KCNAB1: variants seen among roughly 807,000 people sequenced by gnomAD.
KCNAB1 encodes the protein voltage-gated potassium channel subunit beta-1.
A neutral mutation model predicts 64.6 loss-of-function variants in KCNAB1; 35 were observed. The ratio of observed to expected loss-of-function variants is 0.54; its 90% CI spans 0.41 to 0.72. The LOEUF is 0.72. Ranked by LOEUF, KCNAB1 falls within the 30% of genes least tolerant of loss-of-function variation. The pLI is 0.00. For missense variants in KCNAB1, 401 were observed against 512.9 expected (o/e 0.78, Z 2.11); for synonymous variants, 177 against 183.8 (o/e 0.96, Z 0.30).
Position 156,504,755 on chromosome 3 carries a change from T to TTG in KCNAB1, c.659-9608_659-9607insGT, listed in dbSNP as rs1716712289. Among the ~76,000 whole-genome samples, 12 of 151,004 alleles carry TTG rather than the reference T, an allele frequency of 7.9e-5. No individual in the cohort carries two copies. The South Asian group carries it at 2.5e-3, about 32-fold the overall frequency. ...TGTTTTGTTTTTGTTTTTTTTGTTTTTTTTTTTTTGCTGCTGAGTTGTTTG... is the reference window on the plus strand; with the variant it reads ...TGTTTTGTTTTTGTTTTTTTTGTTTTTGTTTTTTTTTGCTGCTGAGTTGTTTG... On this transcript the variant is annotated intron_variant, in intron 8 of 13. Coordinates refer to ENST00000490337, the MANE Select transcript of KCNAB1 (RefSeq NM_172160.3).
At chr3:156,415,799 C>T (rs1011461676) in intron 1 of KCNAB1, among the ~76,000 whole-genome samples, 4 of 152,134 alleles carry the variant, frequency 2.6e-5, no homozygotes, top group South Asian at 2.1e-4. Flanking sequence ...TTCCCTCAGC[C>T]GCTGACCCAG....
upstream of KCNAB1, among the ~76,000 whole-genome samples, chr3:156,119,533 C>T (rs376012244): frequency 5.9e-5 from 9 of 152,240 alleles, no homozygotes; most frequent in South Asian, 2.1e-4. Flanking sequence ...TTTTAACTTA[C>T]GGTTTTGTCA....
intron 1 of KCNAB1, among the ~76,000 whole-genome samples, chr3:156,164,649 T>A (rs1412362820): frequency 6.6e-6 from 1 of 152,196 alleles, no homozygotes; most frequent in Non-Finnish European, 1.5e-5. Flanking sequence ...ATTTTGTCAG[T>A]TTGGGTGTTT....
At position 156,383,104 on chromosome 3, in the gene KCNAB1, G is replaced by A. The variant is rs1712295661; in HGVS notation, c.276-38512G>A. On this transcript the variant is annotated intron_variant, in intron 1 of 13. Transcript: ENST00000490337. ...ATCCGATGGGAAAAGCCCTTGTCAG[G>A]TCTTTCTGAGAGCTGCTCTTGCAAA... 2.0e-5 allele frequency among the ~76,000 whole-genome samples: 3 copies of A among 152,190 alleles called. No individual in the cohort carries two copies. The South Asian group carries it at 6.2e-4, about 32-fold the overall frequency.
rs7623436 is a variant in KCNAB1 at position 156,249,123 on chromosome 3, T to C, written c.275+128237T>C. On this transcript the variant is annotated intron_variant, in intron 1 of 13. Transcript: ENST00000490337. ...GTCAGAATAAGAGAATATAATATAA[T>C]GTTAGGCAATGAAAAGTGCTATGGA... 9.8e-3 allele frequency among the ~76,000 whole-genome samples: 1,488 copies of C among 152,226 alleles called. 8 individuals carry two copies. Among genetic ancestry groups the C allele is most frequent in the Non-Finnish European group, 0.015 (1,053 of 68,010 alleles).
intron 8 of KCNAB1, among the ~76,000 whole-genome samples, chr3:156,504,759 T>TG (rs1424553339): frequency 1.3e-5 from 2 of 151,104 alleles, no homozygotes; most frequent in African/African-American, 2.4e-5. Flanking sequence ...TTGTTTTTTT[T>TG]TTTTTGCTGC....
At chr3:156,450,715 C>G (rs926092077) in intron 2 of KCNAB1, among the ~76,000 whole-genome samples, 1 of 152,194 alleles carries the variant, frequency 6.6e-6, no homozygotes, top group Non-Finnish European at 1.5e-5. Context: ...CATTCAAAAA[C>G]AAATGCTGCC....
intron 1 of KCNAB1, among the ~76,000 whole-genome samples, chr3:156,178,251 A>C (rs2108339831): frequency 6.6e-6 from 1 of 152,320 alleles, no homozygotes; most frequent in East Asian, 1.9e-4. Flanking sequence ...TTTCAACTAG[A>C]TATAAAACTT....
chr3:156,481,064 G>GT (rs1321366631), intron 8 of KCNAB1, among the ~76,000 whole-genome samples: 6 of 152,020 alleles, frequency 3.9e-5, no homozygotes, highest in Non-Finnish European at 8.8e-5. Context: ...ATGTTGACAG[G>GT]TTGCTGCCAA....
intron 1 of KCNAB1, among the ~76,000 whole-genome samples, chr3:156,136,822 A>G (rs1308395251): frequency 6.6e-6 from 1 of 152,234 alleles, no homozygotes; most frequent in African/African-American, 2.4e-5. Context: ...AATAAAGAGC[A>G]AGAGAGTCAT....
At chr3:156,328,030 C>T (rs915946357) in intron 1 of KCNAB1, among the ~76,000 whole-genome samples, 1 of 152,092 alleles carries the variant, frequency 6.6e-6, no homozygotes, top group African/African-American at 2.4e-5. Flanking sequence ...CCCACCACCC[C>T]AAAATTCTAG....
chr3:156,321,109 G>A (rs976997634), intron 1 of KCNAB1, among the ~76,000 whole-genome samples: 2 of 152,104 alleles, frequency 1.3e-5, no homozygotes, highest in Admixed American at 6.5e-5. Flanking sequence ...CCCAGTAAGA[G>A]AAACTTTTCC....
intron 1 of KCNAB1, among the ~76,000 whole-genome samples, chr3:156,367,477 G>A (rs1162786693): frequency 6.6e-6 from 1 of 151,958 alleles, no homozygotes. Flanking sequence ...CACTGTTCCC[G>A]GCCGAGTAAT....
In KCNAB1 at chr3:156,173,432, A is replaced by G. The variant is rs148857392; in HGVS notation, c.275+52546A>G. Among the ~76,000 whole-genome samples the G allele has an allele frequency of 5.6e-3, 849 of 152,316 alleles. 3 individuals are homozygous for G. The highest frequency in any genetic ancestry group is 6.0e-3 in the Non-Finnish European group (409 of 68,018). On this transcript the variant is annotated intron_variant, in intron 1 of 13. Coordinates refer to ENST00000490337, the MANE Select transcript of KCNAB1 (RefSeq NM_172160.3). Reference sequence around the variant, plus strand: ...TTTTAACTACTTAGTTATAAATGTTAAACACACTGGAAATGGGTTATGAAT... The same window carrying G: ...TTTTAACTACTTAGTTATAAATGTTGAACACACTGGAAATGGGTTATGAAT...
At chr3:156,489,407 G>T (rs1424867682) in intron 8 of KCNAB1, among the ~76,000 whole-genome samples, 1 of 151,174 alleles carries the variant, frequency 6.6e-6, no homozygotes, top group African/African-American at 2.4e-5. Context: ...GATGAAGACG[G>T]GATCAGCTAT....
At chr3:156,241,009 G>A (rs1484188303) in intron 1 of KCNAB1, among the ~76,000 whole-genome samples, 2 of 152,104 alleles carry the variant, frequency 1.3e-5, no homozygotes, top group Non-Finnish European at 2.9e-5. Context: ...GAGGGAGCTG[G>A]GGTATTTGTA....
At position 156,354,047 on chromosome 3, in the gene KCNAB1, A is replaced by ATGTG. The variant is rs368761986; in HGVS notation, c.276-67545_276-67542dup. On this transcript the variant is annotated intron_variant, in intron 1 of 13. Transcript: ENST00000490337. Reference sequence around the variant, plus strand: ...TGTCATAATGTGTGTGTGTATATATATGTGTGTGTGTGTGTGTGTGTGTGT... The same window carrying ATGTG: ...TGTCATAATGTGTGTGTGTATATATATGTGTGTGTGTGTGTGTGTGTGTGTGTGT... Among the ~76,000 whole-genome samples the ATGTG allele has an allele frequency of 5.3e-3, 735 of 137,578 alleles. 9 individuals carry two copies. Among genetic ancestry groups the ATGTG allele is most frequent in the East Asian group, 0.037 (181 of 4,926 alleles). The allele number at this position is 137,578 out of a possible 152,430, so 90.3% of individuals were successfully genotyped here.
At chr3:156,262,267 C>T (rs1718475622) in intron 1 of KCNAB1, among the ~76,000 whole-genome samples, 1 of 151,782 alleles carries the variant, frequency 6.6e-6, no homozygotes, top group Non-Finnish European at 1.5e-5. Context: ...GGCATTGTTC[C>T]CTGTCTTAGG....
chr3:156,193,295 C>T lies in KCNAB1; in HGVS notation c.275+72409C>T, dbSNP rs73162752. On this transcript the variant is annotated intron_variant, in intron 1 of 13. Transcript: ENST00000490337. ...CAGTAGAAACCATACTTTGAGTACC[C>T]ACCATACAACCATTCTGTTTTTCAC... is the stretch of plus-strand genomic sequence containing the variant. Among the ~76,000 whole-genome samples, 263 of 152,164 alleles carry T rather than the reference C, an allele frequency of 1.7e-3. 2 individuals are homozygous for T. The highest frequency in any genetic ancestry group is 3.1e-3 in the Non-Finnish European group (210 of 67,994).
Sources: allele counts gnomAD v4.1 joint callset (sites outside exome capture counted in the v4.1 genomes callset), GRCh38; gene constraint gnomAD v4.1.1; transcripts MANE v1.5; gene names NCBI Gene and HGNC (gene_info 2026-07-23, HGNC 2026-07-21).